Variants in IGSF10 observed in about 807,000 individuals in gnomAD.
IGSF10 encodes calvaria mechanical force protein 608.
IGSF10 carries 126 observed loss-of-function variants against 128.2 expected under a neutral mutation model. That is an observed-to-expected ratio of 0.98 (90% CI 0.85 to 1.14). IGSF10 has a LOEUF of 1.14. IGSF10 is among the 50% of genes most tolerant of loss of function. IGSF10 has a pLI of 0.00. For synonymous variants in IGSF10, 1,185 were observed against 1,146.2 expected (o/e 1.03, Z -0.68); for missense variants, 3,295 against 3,149.8 (o/e 1.05, Z -1.10).
intron 5 of IGSF10, among the ~76,000 whole-genome samples, chr3:151,450,881 GC>G (rs1176095047): frequency 6.9e-5 from 6 of 87,062 alleles, no homozygotes; most frequent in Non-Finnish European, 1.0e-4. Context: ...GGCAACAAGA[GC>G]AAAACTCTGT....
chr3:151,447,932 CTCA>C lies in IGSF10; in HGVS notation c.2046_2048del (p.Asp682del). 1 of 1,614,124 alleles carries C rather than the reference CTCA, an allele frequency of 6.2e-7. No individual in the cohort carries two copies. The highest frequency in any genetic ancestry group is 2.2e-5 in the East Asian group (1 of 44,880). ...CCTTAAGATGAGCAATAGGATTGGACTCATCAAGTCCAGATCCCTCTGTTTCTC... is the reference window on the plus strand; with the variant it reads ...CCTTAAGATGAGCAATAGGATTGGACTCAAGTCCAGATCCCTCTGTTTCTC... On this transcript the variant is annotated inframe_deletion, in exon 6 of 8. Coordinates refer to ENST00000282466, the MANE Select transcript of IGSF10 (RefSeq NM_178822.5).
chr3:151,447,392 A>T lies in IGSF10; in HGVS notation c.2589T>A (p.Thr863=), dbSNP rs1721260503. 4.3e-6 allele frequency: 7 copies of T among 1,614,034 alleles called. No individual in the cohort carries two copies. The highest frequency in any genetic ancestry group is 5.1e-6 in the Non-Finnish European group (6 of 1,179,998). ...PEEPTDFKLS[T]AIKTTAMSKN... ...TTGACATGGCTGTAGTTTTAATAGC[A>T]GTAGACAGTTTGAAATCTGTGGGTT... The change falls in exon 6 of 8, where the codon ACT becomes ACA. Residue 863 remains threonine (T), a synonymous_variant. Coordinates refer to ENST00000282466, the MANE Select transcript of IGSF10 (RefSeq NM_178822.5).
At chr3:151,495,460 G>T in the IGSF10 span, among the ~76,000 whole-genome samples, 3 of 152,040 alleles carry the variant, frequency 2.0e-5, no homozygotes, top group African/African-American at 7.2e-5. Flanking sequence ...ATAAAAACAT[G>T]TCAAGCTTAA....
chr3:151,471,888 C>T, the IGSF10 span, among the ~76,000 whole-genome samples: 3 of 152,256 alleles, frequency 2.0e-5, no homozygotes, highest in South Asian at 2.1e-4. Context: ...AGCTTCCTTA[C>T]GACGACTTAT....
At chr3:151,547,437 C>A in the IGSF10 span, among the ~76,000 whole-genome samples, 1 of 150,366 alleles carries the variant, frequency 6.7e-6, no homozygotes, top group Non-Finnish European at 1.5e-5. Context: ...TATACACACA[C>A]ACACACACAC....
intron 6 of IGSF10, among the ~76,000 whole-genome samples, chr3:151,444,182 T>C (rs1721044717): frequency 2.0e-5 from 3 of 151,794 alleles, no homozygotes; most frequent in South Asian, 2.1e-4. Context: ...GTGGTTCAGA[T>C]AGGAGGATTG....
the IGSF10 span, among the ~76,000 whole-genome samples, chr3:151,560,311 C>T: frequency 6.6e-6 from 1 of 152,048 alleles, no homozygotes; most frequent in Non-Finnish European, 1.5e-5. Context: ...CTTTTATTCA[C>T]CATACATTTC....
the IGSF10 span, among the ~76,000 whole-genome samples, chr3:151,583,674 A>G: frequency 1.3e-5 from 2 of 152,250 alleles, no homozygotes; most frequent in Non-Finnish European, 2.9e-5. Context: ...ACGTATACAT[A>G]TGTAACAAAC....
At chr3:151,486,869 A>G in the IGSF10 span, among the ~76,000 whole-genome samples, 79 of 152,350 alleles carry the variant, frequency 5.2e-4, no homozygotes, top group African/African-American at 1.9e-3. Flanking sequence ...CTAAATGCCC[A>G]CAAGCGAAAG....
chr3:151,609,106 G>T, the IGSF10 span, among the ~76,000 whole-genome samples: 116 of 152,262 alleles, frequency 7.6e-4, 1 homozygote, highest in Non-Finnish European at 2.6e-4. Context: ...TATTTGAGCT[G>T]AGTTCTGAAG....
the IGSF10 span, among the ~76,000 whole-genome samples, chr3:151,550,349 T>C: frequency 6.6e-6 from 1 of 152,330 alleles, no homozygotes; most frequent in Admixed American, 6.5e-5. Flanking sequence ...TCTTCTAGAT[T>C]GTCTTTTATA....
At chr3:151,574,194 C>T in the IGSF10 span, among the ~76,000 whole-genome samples, 1 of 152,110 alleles carries the variant, frequency 6.6e-6, no homozygotes, top group East Asian at 1.9e-4. Context: ...AATTATGTGT[C>T]TTGGGGTTGC....
chr3:151,445,714 C>A lies in IGSF10; in HGVS notation c.4267G>T (p.Glu1423Ter), dbSNP rs771186259. The change falls in exon 6 of 8, where the codon GAA becomes TAA. Residue 1423 changes from glutamate to a stop codon, truncating the protein, a stop_gained. Coordinates refer to ENST00000282466, the MANE Select transcript of IGSF10 (RefSeq NM_178822.5). LOFTEE classifies it high-confidence loss of function. ...GTCTGAGTACTTGCTTGGGCTAGTTCTTCAATCACATCTGTCAGATTAAGA... is the reference window on the plus strand; with the variant it reads ...GTCTGAGTACTTGCTTGGGCTAGTTATTCAATCACATCTGTCAGATTAAGA... ...RTLNLTDVIE[E>*]LAQASTQTLK... 3 of 1,614,102 alleles carry A rather than the reference C, an allele frequency of 1.9e-6. No homozygotes were observed. The East Asian group carries it at 6.7e-5, about 36-fold the overall frequency.
the IGSF10 span, among the ~76,000 whole-genome samples, chr3:151,514,260 G>C: frequency 6.6e-6 from 1 of 152,110 alleles, no homozygotes; most frequent in African/African-American, 2.4e-5. Context: ...CATGGTACTG[G>C]TACCAAAACA....
the IGSF10 span, among the ~76,000 whole-genome samples, chr3:151,578,827 C>T: frequency 1.3e-5 from 2 of 152,168 alleles, no homozygotes; most frequent in African/African-American, 4.8e-5. Flanking sequence ...TAGCCAAGAC[C>T]ATTAGCAGTT....
Position 151,449,047 on chromosome 3 carries a change from GT to G in IGSF10, c.933del (p.Phe313LeufsTer6). 1 of 1,614,206 alleles carries G rather than the reference GT, an allele frequency of 6.2e-7. No homozygotes were observed. The highest frequency in any genetic ancestry group is 8.5e-7 in the Non-Finnish European group (1 of 1,180,048). Reference protein sequence around the residue: ...SAFISPQGFMAPFGSLTLNMT... With the variant: ...SAFISPQGFMXPFGSLTLNMT... ...ATATTCAAAGTGAGGGAGCCAAAGG[GT>G]GCCATGAAACCTTGGGGAGAGATGA... On this transcript the variant is annotated frameshift_variant, in exon 6 of 8. Coordinates refer to ENST00000282466, the MANE Select transcript of IGSF10 (RefSeq NM_178822.5). LOFTEE classifies it high-confidence loss of function.
chr3:151,544,653 C>A, the IGSF10 span, among the ~76,000 whole-genome samples: 1 of 151,598 alleles, frequency 6.6e-6, no homozygotes, highest in Admixed American at 6.6e-5. Context: ...TGTTCAATGA[C>A]CTGTTTTCTC....
the IGSF10 span, among the ~76,000 whole-genome samples, chr3:151,481,935 A>C: frequency 6.6e-6 from 1 of 152,206 alleles, no homozygotes; most frequent in Non-Finnish European, 1.5e-5. Flanking sequence ...CATCGCTAAC[A>C]TTGATCACAG....
At chr3:151,454,815 G>A (rs1164317788) in intron 4 of IGSF10, among the ~76,000 whole-genome samples, 4 of 151,740 alleles carry the variant, frequency 2.6e-5, no homozygotes, top group Non-Finnish European at 5.9e-5. Context: ...CCAACATGAC[G>A]AAATCCTGTC....
Sources: gnomAD v4.1 joint callset for allele counts (sites outside exome capture counted in the v4.1 genomes callset) on GRCh38, gnomAD v4.1.1 for gene constraint, MANE v1.5 for transcripts, NCBI Gene and HGNC (gene_info 2026-07-23, HGNC 2026-07-21) for gene names.